ETFRF1: variants seen among roughly 807,000 people sequenced by gnomAD.
ETFRF1 encodes LYR motif containing 5.
A neutral mutation model predicts 9.0 loss-of-function variants in ETFRF1; 12 were observed. The ratio of observed to expected loss-of-function variants is 1.34; its 90% CI spans 0.86 to 2.16. The LOEUF is 2.16. Ranked by LOEUF, ETFRF1 falls within the 30% of genes most tolerant of loss-of-function variation. The probability of loss-of-function intolerance (pLI) is 0.00; values close to 1 mark genes in which losing one functional copy is unlikely to be tolerated. For missense variants in ETFRF1, 98 were observed against 101.8 expected (o/e 0.96, Z 0.16); for synonymous variants, 34 against 33.2 (o/e 1.02, Z -0.08).
intron 1 of ETFRF1, among the ~76,000 whole-genome samples, chr12:25,201,916 C>T (rs904719619): frequency 1.3e-5 from 2 of 151,850 alleles, no homozygotes; most frequent in South Asian, 4.2e-4. Flanking sequence ...GATCTAAAAG[C>T]CTATTTTAAA....
chr12:25,203,859 CT>C, intron 1 of ETFRF1, 60 bp from the exon 2 acceptor site: 3 of 977,080 alleles, frequency 3.1e-6, no homozygotes, highest in Non-Finnish European at 4.3e-6. Context: ...TGTGTATAAC[CT>C]TTTTTTATTT....
At chr12:25,198,953 C>CTCTACCCACGAATTGGGTAGG (rs1951052664) in intron 1 of ETFRF1, among the ~76,000 whole-genome samples, 1 of 152,120 alleles carries the variant, frequency 6.6e-6, no homozygotes, top group Non-Finnish European at 1.5e-5. Flanking sequence ...AGTCACCTAT[C>CTCTACCCACGAATTGGGTAGG]CTACCCACGA....
In ETFRF1 at chr12:25,195,290, AGAG is replaced by A; in HGVS notation, c.-81_-79del. 1.6e-6 allele frequency: 1 copy of A among 624,078 alleles called. No homozygotes were observed. Among genetic ancestry groups the A allele is most frequent in the Non-Finnish European group, 2.9e-6 (1 of 350,816 alleles). The allele number at this position is 624,078 out of a possible 1,614,324, so 38.7% of individuals were successfully genotyped here. On this transcript the variant is annotated 5_prime_UTR_variant, in exon 1 of 3. Coordinates refer to ENST00000381356, the MANE Select transcript of ETFRF1 (RefSeq NM_001001660.3). ...CCACCCCGCTTCGCAGTAGACGGAC[AGAG>A]GAGTCGTAGCGGTCGAGGCTTTTGC...
At chr12:25,199,641 C>A (rs920147466) in intron 1 of ETFRF1, among the ~76,000 whole-genome samples, 3 of 151,514 alleles carry the variant, frequency 2.0e-5, no homozygotes, top group African/African-American at 7.3e-5. Flanking sequence ...CACACACACA[C>A]ACACACAATG....
At chr12:25,204,055 G>A in intron 2 of ETFRF1, 36 bp from the exon 3 acceptor site, 2 of 1,545,446 alleles carry the variant, frequency 1.3e-6, no homozygotes, top group Non-Finnish European at 1.7e-6. Flanking sequence ...TATATGACAT[G>A]GATTGTTTAG....
Position 25,203,400 on chromosome 12 carries a change from A to G in ETFRF1, c.-37-520A>G, listed in dbSNP as rs7310250. ...TCTACTATTCCAACCTGCTTAACTC[A>G]CCCAGTTTCTGCTAGTTTTCAGCCT... On this transcript the variant is annotated intron_variant, in intron 1 of 2. Coordinates refer to ENST00000381356, the MANE Select transcript of ETFRF1 (RefSeq NM_001001660.3). Among the ~76,000 whole-genome samples, 718 of 152,202 alleles carry G rather than the reference A, an allele frequency of 4.7e-3. 9 individuals are homozygous for G. The highest frequency in any genetic ancestry group is 0.017 in the African/African-American group (686 of 41,528).
At chr12:25,203,334 G>A (rs1951091613) in intron 1 of ETFRF1, among the ~76,000 whole-genome samples, 1 of 152,180 alleles carries the variant, frequency 6.6e-6, no homozygotes, top group South Asian at 2.1e-4. Flanking sequence ...CCCTCTTACA[G>A]GTTGTTCATT....
At chr12:25,198,010 T>A (rs1951044170) in intron 1 of ETFRF1, among the ~76,000 whole-genome samples, 1 of 152,140 alleles carries the variant, frequency 6.6e-6, no homozygotes, top group Admixed American at 6.5e-5. Flanking sequence ...TGAATGTGAC[T>A]TAGCACACCA....
intron 1 of ETFRF1, among the ~76,000 whole-genome samples, chr12:25,201,235 T>C (rs1403437909): frequency 6.6e-6 from 1 of 152,226 alleles, no homozygotes; most frequent in East Asian, 1.9e-4. Context: ...CACTTTGATC[T>C]TTCCACATGC....
intron 1 of ETFRF1, among the ~76,000 whole-genome samples, chr12:25,198,476 G>A (rs1951048871): frequency 1.3e-5 from 2 of 152,060 alleles, no homozygotes; most frequent in Admixed American, 6.6e-5. Context: ...ATTCATAAGA[G>A]TAGACAGAAA....
intron 1 of ETFRF1, among the ~76,000 whole-genome samples, chr12:25,196,588 G>A (rs1417311111): frequency 5.3e-5 from 8 of 152,204 alleles, no homozygotes. Context: ...AGCCTAGAAT[G>A]ACAGGGGGAA....
At position 25,204,187 on chromosome 12, in the gene ETFRF1, GAGA is replaced by G. The variant is rs767921503; in HGVS notation, c.152_154del (p.Lys51del). ...TAAAAACAAAGATGTGAAGAATCCA[GAGA>G]AGATCAAAGAACTTATTGCACAGGG... On this transcript the variant is annotated inframe_deletion, in exon 3 of 3. Transcript: ENST00000381356. 96 of 1,613,200 alleles carry G rather than the reference GAGA, an allele frequency of 6.0e-5. No individual in the cohort carries two copies. The highest frequency in any genetic ancestry group is 7.8e-5 in the Non-Finnish European group (92 of 1,179,636).
At chr12:25,196,407 T>C (rs1173019896) in intron 1 of ETFRF1, among the ~76,000 whole-genome samples, 2 of 152,188 alleles carry the variant, frequency 1.3e-5, no homozygotes, top group Non-Finnish European at 2.9e-5. Context: ...AGTTCAGTAA[T>C]CCCAAGTTAC....
In ETFRF1 at chr12:25,204,358, AC is replaced by A; in HGVS notation, c.*48del. ...CTATCAGTGCCAGCTGTTTATGTAT[AC>A]CAGATGTTGTAAAATAATTCTAACT... On this transcript the variant is annotated 3_prime_UTR_variant, in exon 3 of 3. Transcript: ENST00000381356. The A allele has an allele frequency of 7.2e-7, 1 of 1,386,190 alleles. No individual in the cohort carries two copies. The allele number at this position is 1,386,190 out of a possible 1,614,324, so 85.9% of individuals were successfully genotyped here.
In ETFRF1 at chr12:25,204,462, C is replaced by T; in HGVS notation, c.*150C>T. ...AACTAAATAGGTTTCAACTTCTGTT[C>T]ATACGGAGAAAGTATCAGCAACTTT... is the stretch of plus-strand genomic sequence containing the variant. On this transcript the variant is annotated 3_prime_UTR_variant, in exon 3 of 3. Coordinates refer to ENST00000381356, the MANE Select transcript of ETFRF1 (RefSeq NM_001001660.3). 1 of 530,102 alleles carries T rather than the reference C, an allele frequency of 1.9e-6. No individual in the cohort carries two copies. The highest frequency in any genetic ancestry group is 3.0e-6 in the Non-Finnish European group (1 of 328,134). 32.8% of individuals were successfully genotyped at this position (530,102 alleles called of 1,614,324 possible).
intron 1 of ETFRF1, among the ~76,000 whole-genome samples, chr12:25,202,232 CAA>C (rs563296325): frequency 7.1e-6 from 1 of 141,006 alleles, no homozygotes; most frequent in Non-Finnish European, 1.6e-5. Flanking sequence ...GAATCCATCT[CAA>C]AAAAAAAAAA....
chr12:25,195,425 G>A lies in ETFRF1; in HGVS notation c.-38+88G>A. 3 of 500,458 alleles carry A rather than the reference G, an allele frequency of 6.0e-6. No individual in the cohort carries two copies. In the South Asian group the frequency reaches 6.4e-5, roughly 11 times the overall value. 31.0% of individuals were successfully genotyped at this position (500,458 alleles called of 1,614,324 possible). A position where few individuals can be genotyped will look rare whatever the true frequency, so the allele number is the denominator to read the frequency against. Reference sequence around the variant, plus strand: ...AAATATGCTCTGGGCGAGGACCACCGGGTGTGGGAAGAGGGTTCTGAGCGT... The same window carrying A: ...AAATATGCTCTGGGCGAGGACCACCAGGTGTGGGAAGAGGGTTCTGAGCGT... On this transcript the variant is annotated intron_variant, in intron 1 of 2. Transcript: ENST00000381356.
At chr12:25,203,890 C>A in intron 1 of ETFRF1, 30 bp from the exon 2 acceptor site, 1 of 1,271,068 alleles carries the variant, frequency 7.9e-7, no homozygotes. Flanking sequence ...TACAATGCAG[C>A]TAATTGCAAA....
At chr12:25,201,732 A>C (rs564760428) in intron 1 of ETFRF1, among the ~76,000 whole-genome samples, 2 of 150,626 alleles carry the variant, frequency 1.3e-5, no homozygotes, top group East Asian at 2.0e-4. Context: ...CAAAATGCCT[A>C]AAGGGGCAGG....
Sources: allele counts gnomAD v4.1 joint callset (sites outside exome capture counted in the v4.1 genomes callset), GRCh38; gene constraint gnomAD v4.1.1; transcripts MANE v1.5; gene names NCBI Gene and HGNC (gene_info 2026-07-23, HGNC 2026-07-21).